Variants in DCDC1 observed in about 807,000 individuals in gnomAD.
The protein encoded by DCDC1 is doublecortin domain-containing protein 1.
In DCDC1, 200 loss-of-function variants were observed where a neutral mutation model predicts 178.3. The ratio of observed to expected loss-of-function variants is 1.12; its 90% CI spans 1.00 to 1.26. The LOEUF is 1.26. Ranked by LOEUF, DCDC1 falls within the 50% of genes most tolerant of loss-of-function variation. DCDC1 has a pLI of 0.00. For missense variants in DCDC1, 1,983 were observed against 1,749.2 expected (o/e 1.13, Z -2.38); for synonymous variants, 690 against 604.8 (o/e 1.14, Z -2.07).
intron 8 of DCDC1, among the ~76,000 whole-genome samples, chr11:31,261,705 C>T (rs1309166705): frequency 1.3e-5 from 2 of 152,044 alleles, no homozygotes; most frequent in Non-Finnish European, 2.9e-5. Flanking sequence ...CCTCCAGTAA[C>T]CAATCCCCCA....
chr11:30,920,932 A>C lies in DCDC1; in HGVS notation c.3137T>G (p.Leu1046Arg). 6.2e-7 allele frequency: 1 copy of C among 1,608,002 alleles called. No individual in the cohort carries two copies. Among genetic ancestry groups the C allele is most frequent in the Non-Finnish European group, 8.5e-7 (1 of 1,176,814 alleles). Residue 1046 changes from leucine (L) to arginine (R), a missense_variant, in exon 25 of 39, where the codon CTT (leucine) becomes CGT (arginine). Coordinates refer to ENST00000684477, the MANE Select transcript of DCDC1 (RefSeq NM_001387274.1). ...AATGTCACTTTGGACTTCTAAAACAAGAGCTGAGCAGAAATTCACAAATTG... is the reference window on the plus strand; with the variant it reads ...AATGTCACTTTGGACTTCTAAAACACGAGCTGAGCAGAAATTCACAAATTG... ...IFCSTHKIEALVLEVQSDIVS... is the reference protein window; with the variant it reads ...IFCSTHKIEARVLEVQSDIVS...
chr11:31,293,297 T>C (rs1408566841), intron 6 of DCDC1, among the ~76,000 whole-genome samples: 1 of 152,064 alleles, frequency 6.6e-6, no homozygotes. Context: ...ATTGGTTATG[T>C]AAGTGACAGA....
chr11:31,003,981 C>A (rs1039025587), intron 20 of DCDC1, among the ~76,000 whole-genome samples: 7 of 152,054 alleles, frequency 4.6e-5, no homozygotes, highest in African/African-American at 1.2e-4. Context: ...TCTGCTTGGG[C>A]AAGTGGTGGC....
intron 17 of DCDC1, among the ~76,000 whole-genome samples, chr11:31,090,350 T>C (rs936358799): frequency 1.3e-5 from 2 of 152,150 alleles, no homozygotes; most frequent in Non-Finnish European, 2.9e-5. Context: ...AAGTGTCTAC[T>C]TTCAGGTTAT....
intron 34 of DCDC1, among the ~76,000 whole-genome samples, chr11:30,896,388 A>T: frequency 6.6e-6 from 1 of 152,118 alleles, no homozygotes; most frequent in South Asian, 2.1e-4. Context: ...AATTGGGGAA[A>T]ATAAGCTGGG....
chr11:31,168,517 C>T (rs1966861932), intron 9 of DCDC1, among the ~76,000 whole-genome samples: 1 of 152,168 alleles, frequency 6.6e-6, no homozygotes, highest in African/African-American at 2.4e-5. Flanking sequence ...GATGCTTAAA[C>T]ATACATTTAC....
chr11:31,250,502 C>A lies in DCDC1; in HGVS notation c.1055-8886G>T, dbSNP rs190878871. Among the ~76,000 whole-genome samples the A allele has an allele frequency of 2.0e-3, 288 of 146,572 alleles. 3 individuals carry two copies. Among genetic ancestry groups the A allele is most frequent in the Middle Eastern group, 7.0e-3 (2 of 284 alleles). On this transcript the variant is annotated intron_variant, in intron 8 of 38. Transcript: ENST00000684477. ...TTATATCATTTTGAGTCACCCCCAA[C>A]CCCCCTAAAACACCCTAAACCCCTT...
intron 7 of DCDC1, among the ~76,000 whole-genome samples, chr11:31,287,911 T>A (rs947489429): frequency 6.6e-6 from 1 of 151,390 alleles, no homozygotes; most frequent in Non-Finnish European, 1.5e-5. Context: ...ACAGCGTTTT[T>A]TTTTTTTTTA....
At chr11:30,949,997 G>C (rs1469200812) in intron 21 of DCDC1, among the ~76,000 whole-genome samples, 1 of 151,994 alleles carries the variant, frequency 6.6e-6, no homozygotes, top group Non-Finnish European at 1.5e-5. Context: ...AGAACTTAAA[G>C]TATAATAATA....
intron 1 of DCDC1, among the ~76,000 whole-genome samples, chr11:31,340,640 T>C (rs1473642416): frequency 6.6e-6 from 1 of 152,148 alleles, no homozygotes; most frequent in Non-Finnish European, 1.5e-5. Context: ...CATAATGTGA[T>C]GTGGGTCTCA....
chr11:31,328,524 T>C (rs748736617), intron 2 of DCDC1, among the ~76,000 whole-genome samples: 9 of 151,836 alleles, frequency 5.9e-5, no homozygotes, highest in Non-Finnish European at 1.3e-4. Flanking sequence ...ATGGGCCGGG[T>C]TCAGTGGCTC....
At chr11:30,881,072 T>C (rs1942617167) in intron 37 of DCDC1, 86 bp downstream of exon 37, 1 of 1,433,308 alleles carries the variant, frequency 7.0e-7, no homozygotes, top group Admixed American at 2.3e-5. Context: ...TTAAAAATCA[T>C]TGTGATGGGA....
intron 9 of DCDC1, among the ~76,000 whole-genome samples, chr11:31,209,688 T>C (rs562466645): frequency 1.3e-5 from 2 of 152,176 alleles, no homozygotes; most frequent in East Asian, 3.9e-4. Context: ...ATTTAAGGGG[T>C]TGGACAATGA....
intron 1 of DCDC1, among the ~76,000 whole-genome samples, chr11:31,354,570 G>A (rs1255880641): frequency 2.6e-5 from 4 of 152,176 alleles, no homozygotes; most frequent in African/African-American, 9.6e-5. Context: ...TAACAGAAGA[G>A]CCAAACATGC....
chr11:31,262,284 A>AG (rs397778959), intron 8 of DCDC1, among the ~76,000 whole-genome samples: 2 of 151,628 alleles, frequency 1.3e-5, no homozygotes, highest in African/African-American at 4.9e-5. Flanking sequence ...AAAAAAAAAA[A>AG]TTGTCTATGG....
At chr11:30,949,444 T>C (rs1948270344) in intron 21 of DCDC1, among the ~76,000 whole-genome samples, 1 of 152,202 alleles carries the variant, frequency 6.6e-6, no homozygotes, top group Non-Finnish European at 1.5e-5. Flanking sequence ...GAAGACAGTG[T>C]GGTGATTCCT....
intron 8 of DCDC1, among the ~76,000 whole-genome samples, chr11:31,253,152 GTGA>G (rs1944169856): frequency 6.6e-6 from 1 of 152,124 alleles, no homozygotes; most frequent in Non-Finnish European, 1.5e-5. Context: ...GCAGTTAATA[GTGA>G]GTAATTCATT....
chr11:30,883,446 C>T (rs2133986992), intron 36 of DCDC1: 1 of 457,288 alleles, frequency 2.2e-6, no homozygotes, highest in Non-Finnish European at 4.5e-6. Flanking sequence ...TAACCTTAAG[C>T]AGTTATCAAA....
chr11:30,884,748 A>C (rs999712180), intron 36 of DCDC1, among the ~76,000 whole-genome samples: 1 of 152,190 alleles, frequency 6.6e-6, no homozygotes, highest in South Asian at 2.1e-4. Context: ...AAAAGTATAC[A>C]TAAGTCTTTT....
Sources: gnomAD v4.1 joint callset for allele counts (sites outside exome capture counted in the v4.1 genomes callset) on GRCh38, gnomAD v4.1.1 for gene constraint, MANE v1.5 for transcripts, NCBI Gene and HGNC (gene_info 2026-07-23, HGNC 2026-07-21) for gene names.